Variants in IL1RAPL1 observed in about 807,000 individuals in gnomAD.
The protein encoded by IL1RAPL1 is interleukin 1 receptor accessory protein like 1.
IL1RAPL1 carries 3 observed loss-of-function variants against 48.4 expected under a neutral mutation model. That is an observed-to-expected ratio of 0.06 (90% CI 0.03 to 0.16). The LOEUF is 0.16. IL1RAPL1 is among the 10% of genes least tolerant of loss of function. The pLI, the probability that IL1RAPL1 is intolerant of heterozygous loss-of-function variation, is 1.00. For missense variants in IL1RAPL1, 349 were observed against 530.6 expected, an observed-to-expected ratio of 0.66 and a Z score of 3.36; for synonymous variants, 185 against 187.7, an observed-to-expected ratio of 0.99 and a Z score of 0.12.
At chrX:29,235,318 C>T (rs143227784) in intron 2 of IL1RAPL1, among the ~76,000 whole-genome samples, 2,483 of 111,307 alleles carry the variant, frequency 0.022, 58 homozygotes, top group African/African-American at 0.077. Context: ...GAACAATCAA[C>T]GGTTGTTATT....
intron 6 of IL1RAPL1, among the ~76,000 whole-genome samples, chrX:29,906,127 G>C (rs1321206541): frequency 9.2e-6 from 1 of 108,559 alleles, no homozygotes; most frequent in Non-Finnish European, 1.9e-5. Context: ...ACGAGGTCAG[G>C]AGATCGAGAC....
At chrX:29,805,488 C>G (rs1321293036) in intron 6 of IL1RAPL1, among the ~76,000 whole-genome samples, 1 of 110,928 alleles carries the variant, frequency 9.0e-6, no homozygotes, top group African/African-American at 3.3e-5. Context: ...TAAAAGCACT[C>G]CACTTGCTTT....
chrX:28,647,697 T>A (rs1263031156), intron 1 of IL1RAPL1, among the ~76,000 whole-genome samples: 1 of 111,876 alleles, frequency 8.9e-6, no homozygotes, highest in African/African-American at 3.3e-5. Context: ...GTGAATGGAT[T>A]TGGATTGGTG....
chrX:29,317,744 G>A (rs769995196), intron 3 of IL1RAPL1, among the ~76,000 whole-genome samples: 6 of 112,071 alleles, frequency 5.4e-5, no homozygotes, highest in Admixed American at 9.5e-5. Flanking sequence ...TGGCATTCAC[G>A]TTTGTGTGGC....
At chrX:29,427,477 G>C (rs897492003) in intron 5 of IL1RAPL1, among the ~76,000 whole-genome samples, 1 of 111,583 alleles carries the variant, frequency 9.0e-6, no homozygotes, top group Non-Finnish European at 1.9e-5. Flanking sequence ...AGAAACTAGG[G>C]TTTTTAATGA....
chrX:28,897,791 T>C (rs748194965), intron 2 of IL1RAPL1, among the ~76,000 whole-genome samples: 11 of 111,545 alleles, frequency 9.9e-5, no homozygotes, highest in African/African-American at 1.6e-4. Context: ...TGGGTGCAGG[T>C]GGGCCGAGTC....
intron 1 of IL1RAPL1, among the ~76,000 whole-genome samples, chrX:28,786,343 T>C (rs761734005): frequency 4.5e-5 from 5 of 110,224 alleles, no homozygotes; most frequent in Non-Finnish European, 7.6e-5. Context: ...TGGGCGCCTG[T>C]AATCCCAGCT....
chrX:29,705,987 T>C (rs1569150395), intron 6 of IL1RAPL1, among the ~76,000 whole-genome samples: 2 of 112,403 alleles, frequency 1.8e-5, no homozygotes, highest in Non-Finnish European at 3.8e-5. Flanking sequence ...AAGTTCCACA[T>C]GGCTGGTGAG....
At chrX:29,686,354 C>A (rs1195225957) in intron 6 of IL1RAPL1, among the ~76,000 whole-genome samples, 2 of 110,000 alleles carry the variant, frequency 1.8e-5, no homozygotes, top group East Asian at 5.7e-4. Flanking sequence ...TGATATAAGC[C>A]ATTGGGTAGT....
At chrX:28,637,389 T>C (rs1243175324) in intron 1 of IL1RAPL1, among the ~76,000 whole-genome samples, 1 of 111,775 alleles carries the variant, frequency 8.9e-6, no homozygotes, top group Non-Finnish European at 1.9e-5. Flanking sequence ...TCTGTGATAT[T>C]TTCAATTTAG....
chrX:29,182,110 C>T (rs754632672), intron 2 of IL1RAPL1, among the ~76,000 whole-genome samples: 1 of 109,958 alleles, frequency 9.1e-6, no homozygotes, highest in African/African-American at 3.3e-5. Flanking sequence ...CCTTGCCCCC[C>T]CCCACCCCAT....
intron 2 of IL1RAPL1, among the ~76,000 whole-genome samples, chrX:29,177,270 T>G (rs1359130351): frequency 8.9e-6 from 1 of 112,132 alleles, no homozygotes; most frequent in Non-Finnish European, 1.9e-5. Context: ...CTTTAATCAC[T>G]TGTTTTATTG....
At chrX:29,230,504 C>CAAAAAAAA (rs60539139) in intron 2 of IL1RAPL1, among the ~76,000 whole-genome samples, 265 of 16,597 alleles carry the variant, frequency 0.016, 50 homozygotes, top group African/African-American at 0.056. Flanking sequence ...GTCCCTTTAC[C>CAAAAAAAA]AAAAAAAAAA....
intron 1 of IL1RAPL1, among the ~76,000 whole-genome samples, chrX:28,692,652 A>T (rs1178272910): frequency 8.9e-6 from 1 of 112,116 alleles, no homozygotes; most frequent in African/African-American, 3.2e-5. Flanking sequence ...AGCATAGTGT[A>T]TAGGAAAACC....
At chrX:29,326,045 AC>A (rs1168978031) in intron 3 of IL1RAPL1, among the ~76,000 whole-genome samples, 1 of 112,143 alleles carries the variant, frequency 8.9e-6, no homozygotes, top group Non-Finnish European at 1.9e-5. Context: ...AACATTGAAG[AC>A]TATATTTCAC....
chrX:28,671,641 C>T (rs1039739922), intron 1 of IL1RAPL1, among the ~76,000 whole-genome samples: 2 of 112,208 alleles, frequency 1.8e-5, no homozygotes, highest in African/African-American at 3.2e-5. Context: ...GATTAAAAAC[C>T]TCTTTTTCCA....
intron 2 of IL1RAPL1, among the ~76,000 whole-genome samples, chrX:29,129,528 T>C (rs1022333678): frequency 8.1e-5 from 9 of 110,979 alleles, no homozygotes; most frequent in Non-Finnish European, 1.3e-4. Context: ...AATCTTCTCT[T>C]TGTATTTTTT....
In IL1RAPL1 at chrX:29,528,744, A is replaced by G. The variant is rs915000407; in HGVS notation, c.703+129436A>G. On this transcript the variant is annotated intron_variant, in intron 5 of 10. Coordinates refer to ENST00000378993, the MANE Select transcript of IL1RAPL1 (RefSeq NM_014271.4). ...TTAACGCAAAGGAAACCAATATGGG[A>G]CTTTATTTATACTGCAAAACCTCTT... Among the ~76,000 whole-genome samples the G allele has an allele frequency of 2.7e-5, 3 of 111,977 alleles. No homozygotes were observed. The East Asian group carries it at 8.4e-4, about 31-fold the overall frequency.
chrX:29,797,592 G>T (rs1220115059), intron 6 of IL1RAPL1, among the ~76,000 whole-genome samples: 1 of 111,981 alleles, frequency 8.9e-6, no homozygotes, highest in Admixed American at 9.5e-5. Flanking sequence ...ATTAAAAGGG[G>T]CTGGGTGCGG....
Sources: allele counts gnomAD v4.1 joint callset (sites outside exome capture counted in the v4.1 genomes callset), GRCh38; gene constraint gnomAD v4.1.1; transcripts MANE v1.5; gene names NCBI Gene and HGNC (gene_info 2026-07-23, HGNC 2026-07-21).